Variants in SPAG16 observed in about 807,000 individuals in gnomAD.
SPAG16 encodes sperm associated antigen 16, also known as sperm-associated antigen 16 protein.
Under a neutral mutation model 80.4 loss-of-function variants are expected in SPAG16, and 86 were observed. The ratio of observed to expected loss-of-function variants is 1.07; its 90% confidence interval spans 0.90 to 1.28. The LOEUF (loss-of-function observed/expected upper bound fraction) is 1.28. SPAG16 is among the 50% of genes most tolerant of loss of function. The pLI is 0.00. For missense variants in SPAG16, 870 were observed against 765.3 expected (o/e 1.14, Z -1.61); for synonymous variants, 294 against 265.9 (o/e 1.11, Z -1.03).
At chr2:213,911,319 A>G (rs1336933830) in intron 11 of SPAG16, among the ~76,000 whole-genome samples, 62 of 151,766 alleles carry the variant, frequency 4.1e-4, no homozygotes, top group Non-Finnish European at 7.4e-5. Context: ...TAATTTTTGT[A>G]TTTTTTCTAG....
Position 213,578,916 on chromosome 2 carries a change from AAC to A in SPAG16, c.1070+88828_1070+88829del, listed in dbSNP as rs541731397. ...GTTAATATAGCTAAGGAAAAATTAT[AAC>A]AGTTTCTCAAGTAACTTCTTGTGTG... On this transcript the variant is annotated intron_variant, in intron 10 of 15. Coordinates refer to ENST00000331683, the MANE Select transcript of SPAG16 (RefSeq NM_024532.5). 4.3e-3 allele frequency among the ~76,000 whole-genome samples: 657 copies of A among 152,218 alleles called. 7 individuals carry two copies. Among genetic ancestry groups the A allele is most frequent in the African/African-American group, 0.015 (622 of 41,542 alleles).
chr2:213,687,375 T>G (rs2064731635), intron 10 of SPAG16, among the ~76,000 whole-genome samples: 1 of 152,218 alleles, frequency 6.6e-6, no homozygotes, highest in East Asian at 1.9e-4. Context: ...TTCATTTCTT[T>G]GAGGGAATTT....
At chr2:213,860,437 T>TATG (rs72116627) in intron 10 of SPAG16, among the ~76,000 whole-genome samples, 1 of 133,616 alleles carries the variant, frequency 7.5e-6, no homozygotes, top group Non-Finnish European at 1.6e-5. Context: ...ATCTATATAT[T>TATG]TATAGATATA....
chr2:213,726,328 G>A (rs939123758), intron 10 of SPAG16, among the ~76,000 whole-genome samples: 3 of 152,210 alleles, frequency 2.0e-5, no homozygotes, highest in Non-Finnish European at 2.9e-5. Context: ...GTCCTCCACA[G>A]TGAGCTGGAT....
In SPAG16 at chr2:213,321,899, C is replaced by T. The variant is rs116775351; in HGVS notation, c.536+4543C>T. Among the ~76,000 whole-genome samples the T allele has an allele frequency of 5.1e-3, 771 of 152,018 alleles. 2 individuals are homozygous for T. The highest frequency in any genetic ancestry group is 8.6e-3 in the Non-Finnish European group (585 of 67,924). ...ATTTTTCTCAGAAAAGGAGAGCATACGTTTTCTATTGAAATGTAGACCAAT... is the reference window on the plus strand; with the variant it reads ...ATTTTTCTCAGAAAAGGAGAGCATATGTTTTCTATTGAAATGTAGACCAAT... On this transcript the variant is annotated intron_variant, in intron 5 of 15. Transcript: ENST00000331683.
chr2:214,077,328 T>C (rs1473961254), intron 13 of SPAG16, among the ~76,000 whole-genome samples: 1 of 152,200 alleles, frequency 6.6e-6, no homozygotes, highest in Non-Finnish European at 1.5e-5. Context: ...TCTTTATTCT[T>C]CTACAGGCAG....
At chr2:213,586,732 G>T (rs1006811521) in intron 10 of SPAG16, among the ~76,000 whole-genome samples, 1 of 152,200 alleles carries the variant, frequency 6.6e-6, no homozygotes, top group Non-Finnish European at 1.5e-5. Context: ...GTGAATCTGT[G>T]AAATCAGACC....
rs144826278 is a variant in SPAG16 at position 213,302,313 on chromosome 2, T to C, written c.279+4956T>C. On this transcript the variant is annotated intron_variant, in intron 3 of 15. Coordinates refer to ENST00000331683, the MANE Select transcript of SPAG16 (RefSeq NM_024532.5). ...AAGCCGTAATGAGAGTTGTATATAATGTATAATAGGGATAAAAGTGTAACT... is the reference window on the plus strand; with the variant it reads ...AAGCCGTAATGAGAGTTGTATATAACGTATAATAGGGATAAAAGTGTAACT... Among the ~76,000 whole-genome samples the C allele has an allele frequency of 3.5e-3, 539 of 152,266 alleles. 5 individuals carry two copies. The highest frequency in any genetic ancestry group is 0.012 in the African/African-American group (507 of 41,574).
chr2:213,541,395 G>T (rs1159035614), intron 10 of SPAG16, among the ~76,000 whole-genome samples: 1 of 152,148 alleles, frequency 6.6e-6, no homozygotes, highest in Non-Finnish European at 1.5e-5. Flanking sequence ...GAGGCAAGTG[G>T]ATCACCTGAG....
intron 15 of SPAG16, among the ~76,000 whole-genome samples, chr2:214,153,610 C>T (rs1349629353): frequency 1.3e-5 from 2 of 152,002 alleles, no homozygotes; most frequent in African/African-American, 2.4e-5. Context: ...AGAAATTAAA[C>T]ATATTGGTGC....
chr2:214,220,191 G>A (rs2125773213), intron 15 of SPAG16, among the ~76,000 whole-genome samples: 1 of 152,150 alleles, frequency 6.6e-6, no homozygotes, highest in Admixed American at 6.5e-5. Context: ...TATCTTATAA[G>A]AATGTTAACA....
intron 15 of SPAG16, among the ~76,000 whole-genome samples, chr2:214,221,899 A>G (rs2058580636): frequency 6.6e-6 from 1 of 152,076 alleles, no homozygotes; most frequent in Non-Finnish European, 1.5e-5. Context: ...ATCAGCCAAT[A>G]CTGTTTAAGG....
intron 15 of SPAG16, chr2:214,280,911 A>G (rs770136135): frequency 2.3e-6 from 1 of 433,608 alleles, no homozygotes; most frequent in Non-Finnish European, 4.4e-6. Flanking sequence ...GTAATCTGCG[A>G]CATTCTGGCT....
intron 15 of SPAG16, among the ~76,000 whole-genome samples, chr2:214,406,058 T>G (rs1701982334): frequency 6.6e-6 from 1 of 152,146 alleles, no homozygotes; most frequent in Admixed American, 6.6e-5. Context: ...ACTATGAATC[T>G]TCAAGCAACA....
intron 5 of SPAG16, among the ~76,000 whole-genome samples, chr2:213,334,954 C>A (rs1468830993): frequency 6.6e-6 from 1 of 152,026 alleles, no homozygotes; most frequent in Admixed American, 6.6e-5. Context: ...AAGTAAAATT[C>A]GATTTTTTGT....
At chr2:214,383,592 A>G (rs925478875) in intron 15 of SPAG16, among the ~76,000 whole-genome samples, 1 of 151,930 alleles carries the variant, frequency 6.6e-6, no homozygotes, top group African/African-American at 2.4e-5. Context: ...AAAAAGAAAA[A>G]AAAAGACATA....
At chr2:213,581,583 C>T (rs1307836385) in intron 10 of SPAG16, among the ~76,000 whole-genome samples, 1 of 152,092 alleles carries the variant, frequency 6.6e-6, no homozygotes, top group Non-Finnish European at 1.5e-5. Flanking sequence ...TGCTCTCACT[C>T]TCAGGTCCAA....
At position 213,990,427 on chromosome 2, in the gene SPAG16, CT is replaced by C. The variant is rs534550016; in HGVS notation, c.1401-23522del. 2.7e-3 allele frequency among the ~76,000 whole-genome samples: 404 copies of C among 152,178 alleles called. 1 individual carries two copies. The highest frequency in any genetic ancestry group is 9.2e-3 in the African/African-American group (382 of 41,520). ...AGTATAACTTTTGACATTCCCAAAC[CT>C]TAGCTACTAAATGCCTACTGTTGAC... On this transcript the variant is annotated intron_variant, in intron 12 of 15. Coordinates refer to ENST00000331683, the MANE Select transcript of SPAG16 (RefSeq NM_024532.5).
chr2:214,315,426 G>GA lies in SPAG16; in HGVS notation c.1721-94712dup, dbSNP rs567311929. On this transcript the variant is annotated intron_variant, in intron 15 of 15. Transcript: ENST00000331683. ...GAAAAAGCATGAGAAATTTCATCTT[G>GA]AATATGAGGTTATCTAAGGAAAGAA... Among the ~76,000 whole-genome samples the GA allele has an allele frequency of 3.2e-4, 48 of 152,234 alleles. No homozygotes were observed. The East Asian group carries it at 8.7e-3, about 28-fold the overall frequency.
Sources: gnomAD v4.1 joint callset for allele counts (sites outside exome capture counted in the v4.1 genomes callset) on GRCh38, gnomAD v4.1.1 for gene constraint, MANE v1.5 for transcripts, NCBI Gene and HGNC (gene_info 2026-07-23, HGNC 2026-07-21) for gene names.